The following ABHD17C variants were observed in gnomAD, a reference collection of about 807,000 sequenced individuals.
The protein encoded by ABHD17C is abhydrolase domain containing 17C, depalmitoylase.
ABHD17C carries 11 observed loss-of-function variants against 27.9 expected under a neutral mutation model. That is an observed-to-expected ratio of 0.39 (90% CI 0.25 to 0.65). ABHD17C has a LOEUF of 0.65. ABHD17C is among the 30% of genes least tolerant of loss of function. ABHD17C has a pLI of 0.45. For synonymous variants in ABHD17C, 233 were observed against 209.1 expected, an observed-to-expected ratio of 1.11 and a Z score of -0.98; for missense variants, 280 against 470.2, an observed-to-expected ratio of 0.60 and a Z score of 3.74.
chr15:80,704,365 C>T (rs146496891), intron 1 of ABHD17C, among the ~76,000 whole-genome samples: 1 of 152,242 alleles, frequency 6.6e-6, no homozygotes, highest in East Asian at 1.9e-4. Flanking sequence ...CTGTGGCCCA[C>T]CCCACCTAGC....
rs915460940 is a variant in ABHD17C, at chr15:80,709,191, A to T, written c.590+13172A>T. Reference sequence around the variant, plus strand: ...TGTAAATATAAATATATAGTTTTTTAAAAAAAAGCTATTGGGGCCTGGCGT... The same window carrying T: ...TGTAAATATAAATATATAGTTTTTTTAAAAAAAGCTATTGGGGCCTGGCGT... On this transcript the variant is annotated intron_variant, in intron 1 of 2. Coordinates refer to ENST00000258884, the MANE Select transcript of ABHD17C (RefSeq NM_021214.2). Among the ~76,000 whole-genome samples, 188 of 151,026 alleles carry T rather than the reference A, an allele frequency of 1.2e-3. 1 individual carries two copies. Among genetic ancestry groups the T allele is most frequent in the Non-Finnish European group, 1.8e-3 (125 of 67,822 alleles).
intron 1 of ABHD17C, among the ~76,000 whole-genome samples, chr15:80,716,942 C>T (rs1423911960): frequency 6.6e-6 from 1 of 152,164 alleles, no homozygotes; most frequent in Non-Finnish European, 1.5e-5. Flanking sequence ...AGGGGCAGTG[C>T]AGTGGGTCTG....
Position 80,749,615 on chromosome 15 carries a change from C to T in ABHD17C, c.693C>T (p.Leu231=). The change falls in exon 2 of 3, where the codon CTC becomes CTT. Residue 231 remains leucine, a synonymous_variant. Coordinates refer to ENST00000258884, the MANE Select transcript of ABHD17C (RefSeq NM_021214.2). ...GGTATGAATGCGCAGCGGTAATTCT[C>T]CATTCCCCTCTGATGTCTGGTTTGC... ...ASRYECAAVI[L]HSPLMSGLRV... 6.2e-7 allele frequency: 1 copy of T among 1,613,992 alleles called. No homozygotes were observed. Among genetic ancestry groups the T allele is most frequent in the Non-Finnish European group, 8.5e-7 (1 of 1,179,858 alleles).
At chr15:80,731,371 A>G (rs1191152058) in intron 1 of ABHD17C, among the ~76,000 whole-genome samples, 1 of 152,234 alleles carries the variant, frequency 6.6e-6, no homozygotes. Context: ...AAAGGATGGC[A>G]GACTTATGCT....
At chr15:80,730,319 G>T (rs1895041383) in intron 1 of ABHD17C, among the ~76,000 whole-genome samples, 1 of 152,202 alleles carries the variant, frequency 6.6e-6, no homozygotes, top group Non-Finnish European at 1.5e-5. Flanking sequence ...ATAGCCCATG[G>T]AATCCACTTC....
At chr15:80,718,772 A>G (rs942952795) in intron 1 of ABHD17C, among the ~76,000 whole-genome samples, 1 of 152,230 alleles carries the variant, frequency 6.6e-6, no homozygotes, top group Non-Finnish European at 1.5e-5. Flanking sequence ...GGAGGACTGC[A>G]GCATCATTCC....
intron 1 of ABHD17C, among the ~76,000 whole-genome samples, chr15:80,711,364 G>A (rs1374330495): frequency 3.9e-5 from 6 of 152,202 alleles, no homozygotes; most frequent in Admixed American, 2.6e-4. Context: ...TGGCTGGAGA[G>A]TGATCGCTCA....
chr15:80,754,571 A>T lies in ABHD17C; in HGVS notation c.*201A>T. On this transcript the variant is annotated 3_prime_UTR_variant, in exon 3 of 3. Transcript: ENST00000258884. The stretch of plus-strand genomic sequence containing the variant: ...CTAATTCACACAACACGTTAAACTG[A>T]ACAGTCGTGATTCCCAGCTTCATTA... 1 of 559,662 alleles carries T rather than the reference A, an allele frequency of 1.8e-6. No individual in the cohort carries two copies. The highest frequency in any genetic ancestry group is 2.3e-5 in the South Asian group (1 of 44,312). The allele number at this position is 559,662 out of a possible 1,614,324, so 34.7% of individuals were successfully genotyped here. A position where few individuals can be genotyped will look rare whatever the true frequency, so the allele number is the denominator to read the frequency against.
intron 1 of ABHD17C, among the ~76,000 whole-genome samples, chr15:80,738,998 A>G (rs1035257132): frequency 1.3e-5 from 2 of 152,188 alleles, no homozygotes; most frequent in African/African-American, 4.8e-5. Flanking sequence ...GTGAGGATTG[A>G]GCTTTGAGGG....
intron 1 of ABHD17C, among the ~76,000 whole-genome samples, chr15:80,696,660 C>T (rs1192624919): frequency 7.2e-5 from 11 of 152,074 alleles, no homozygotes; most frequent in Non-Finnish European, 1.5e-4. Flanking sequence ...CCATAACAGT[C>T]CAGGATAAGT....
intron 1 of ABHD17C, among the ~76,000 whole-genome samples, chr15:80,715,137 A>G (rs1464218290): frequency 6.6e-6 from 1 of 152,150 alleles, no homozygotes; most frequent in Non-Finnish European, 1.5e-5. Flanking sequence ...GTTCCCCCCC[A>G]TGGAATTCTA....
chr15:80,746,998 T>G (rs1466571231), intron 1 of ABHD17C, among the ~76,000 whole-genome samples: 2 of 152,244 alleles, frequency 1.3e-5, no homozygotes, highest in African/African-American at 4.8e-5. Context: ...GGAAGTCTTT[T>G]ACTTTATTTT....
chr15:80,710,574 C>T (rs1478666295), intron 1 of ABHD17C, among the ~76,000 whole-genome samples: 2 of 151,974 alleles, frequency 1.3e-5, no homozygotes, highest in Non-Finnish European at 2.9e-5. Flanking sequence ...TTAGCAACAG[C>T]GGTGGTGAGA....
chr15:80,701,293 TTGTTCTCAG>T (rs1054727893), intron 1 of ABHD17C, among the ~76,000 whole-genome samples: 1 of 152,124 alleles, frequency 6.6e-6, no homozygotes, highest in Non-Finnish European at 1.5e-5. Context: ...CCTAACTTCT[TTGTTCTCAG>T]TGTTCTCAGA....
In ABHD17C at chr15:80,695,558, G is replaced by T; in HGVS notation, c.129G>T (p.Thr43=). Reference sequence around the variant, plus strand: ...TCCTGCCGCCCGAGCCCACCTACACGGTGCTGGCGCCGGAGCAGCGCGGCG... The same window carrying T: ...TCCTGCCGCCCGAGCCCACCTACACTGTGCTGGCGCCGGAGCAGCGCGGCG... ...LAFLPPEPTY[T]VLAPEQRGAG... is the part of the protein sequence containing the mutation. The change falls in exon 1 of 3, where the codon ACG becomes ACT. Residue 43 remains threonine (T), a synonymous_variant. Transcript: ENST00000258884. This position sits in a 1 kb window ranked among gnomAD's most constrained non-coding sequence, Gnocchi z 4.3. 1 of 1,302,568 alleles carries T rather than the reference G, an allele frequency of 7.7e-7. No homozygotes were observed. The highest frequency in any genetic ancestry group is 1.4e-5 in the South Asian group (1 of 72,414). 80.7% of individuals were successfully genotyped at this position (1,302,568 alleles called of 1,614,324 possible).
chr15:80,696,120 C>G (rs1212535577), intron 1 of ABHD17C, 101 bp downstream of exon 1: 2 of 1,236,902 alleles, frequency 1.6e-6, no homozygotes, highest in Non-Finnish European at 2.2e-6. Flanking sequence ...AGGGGCCCCT[C>G]CTCCGGGGCT....
intron 1 of ABHD17C, among the ~76,000 whole-genome samples, chr15:80,733,559 C>G (rs12324045): frequency 0.22 from 33,014 of 152,042 alleles, 4,115 homozygotes; most frequent in South Asian, 0.32. Context: ...GAGGGATGCT[C>G]CAAAAAGACA....
In ABHD17C at chr15:80,744,001, G is replaced by GT. The variant is rs576768740; in HGVS notation, c.591-5506dup. Among the ~76,000 whole-genome samples the GT allele has an allele frequency of 2.9e-3, 441 of 152,290 alleles. 1 individual carries two copies. Among genetic ancestry groups the GT allele is most frequent in the Middle Eastern group, 0.01 (3 of 294 alleles). On this transcript the variant is annotated intron_variant, in intron 1 of 2. Transcript: ENST00000258884. ...GGCTTTAGACTTTGGAACTGTTAAT[G>GT]TTTTTTGAGAAAATACTTTTCACTT...
chr15:80,734,145 G>A (rs917956277), intron 1 of ABHD17C, among the ~76,000 whole-genome samples: 4 of 151,842 alleles, frequency 2.6e-5, no homozygotes, highest in Admixed American at 2.0e-4. Flanking sequence ...CCACCATGCC[G>A]GACTAATTTT....
Sources: allele counts gnomAD v4.1 joint callset (sites outside exome capture counted in the v4.1 genomes callset), GRCh38; gene constraint gnomAD v4.1.1; non-coding constraint Gnocchi (gnomAD v3.1); transcripts MANE v1.5; gene names NCBI Gene and HGNC (gene_info 2026-07-23, HGNC 2026-07-21).